SALL4: variants seen among roughly 807,000 people sequenced by gnomAD.
SALL4 encodes spalt like transcription factor 4.
SALL4 carries 4 observed loss-of-function variants against 60.8 expected under a neutral mutation model. That is an observed-to-expected ratio of 0.07 (90% CI 0.03 to 0.15). SALL4 has a LOEUF of 0.15. Among genes scored for constraint, SALL4 ranks in the 10% least tolerant of loss-of-function variants. The pLI, the probability that SALL4 is intolerant of heterozygous loss-of-function variation, is 1.00. For synonymous variants in SALL4, 580 were observed against 574.9 expected (o/e 1.01, Z -0.13); for missense variants, 1,178 against 1,394.7 (o/e 0.84, Z 2.48).
intron 1 of SALL4, among the ~76,000 whole-genome samples, chr20:51,796,196 CAAAAA>C (rs11474910): frequency 1.1e-5 from 1 of 90,584 alleles, no homozygotes; most frequent in African/African-American, 4.4e-5. Flanking sequence ...AAGACTGTCT[CAAAAA>C]AAAAAAAAAA....
chr20:51,801,014 CTG>C lies in SALL4; in HGVS notation c.130+1263_130+1264del, dbSNP rs1302274811. Among the ~76,000 whole-genome samples, 3 of 152,164 alleles carry C rather than the reference CTG, an allele frequency of 2.0e-5. No homozygotes were observed. Among genetic ancestry groups the C allele is most frequent in the Non-Finnish European group, 4.4e-5 (3 of 68,032 alleles). On this transcript the variant is annotated intron_variant, in intron 1 of 3. Transcript: ENST00000217086. The surrounding 1 kb of genome is among the most constrained non-coding windows in gnomAD (Gnocchi z 5.2). ...AAACCCCGGGTATCAGAGATGGTCT[CTG>C]AGAGTCCTCCGGGGTTGCCGCGCAC... is the stretch of plus-strand genomic sequence containing the variant.
In SALL4 at chr20:51,789,037, TCATCCCTGGGGA is replaced by T; in HGVS notation, c.2554_2565del (p.Ser852_Met855del). 2 of 1,614,034 alleles carry T rather than the reference TCATCCCTGGGGA, an allele frequency of 1.2e-6. No homozygotes were observed. Among genetic ancestry groups the T allele is most frequent in the South Asian group, 2.2e-5 (2 of 91,084 alleles). On this transcript the variant is annotated inframe_deletion, in exon 3 of 4. Coordinates refer to ENST00000217086, the MANE Select transcript of SALL4 (RefSeq NM_020436.5). ...CGTGGCTGGGCTGCTAACAAAGGGG[TCATCCCTGGGGA>T]CAATGTCGAGGGTCCCACAAATGTG...
rs1220738097 is a variant in SALL4, at chr20:51,782,701, T to A, written c.*1564A>T. The A allele has an allele frequency of 6.6e-6, 1 of 151,748 alleles. No individual in the cohort carries two copies. 9.4% of individuals were successfully genotyped at this position (151,748 alleles called of 1,614,324 possible). On this transcript the variant is annotated 3_prime_UTR_variant, in exon 4 of 4. Transcript: ENST00000217086. Reference sequence around the variant, plus strand: ...AAGACTTTTCTCCCAGAAATTAGAGTTTTTTTCTTTCTTTCTTGTTAAACC... The same window carrying A: ...AAGACTTTTCTCCCAGAAATTAGAGATTTTTTCTTTCTTTCTTGTTAAACC...
rs751383802 is a variant in SALL4, at chr20:51,791,907, C to T, written c.576G>A (p.Ala192=). The T allele has an allele frequency of 3.3e-5, 54 of 1,614,090 alleles. No homozygotes were observed. Among genetic ancestry groups the T allele is most frequent in the African/African-American group, 1.7e-4 (13 of 74,944 alleles). ...GTGCATCCGCGCTCCGCTGATTCAC[C>T]GCCACCTTGGTGCCCCGTAGTGCCT... ...TLQALRGTKV[A]VNQRSADALP... is the part of the protein sequence containing the mutation. Residue 192 remains alanine, a synonymous_variant, in exon 2 of 4, where the codon GCG becomes GCA. Coordinates refer to ENST00000217086, the MANE Select transcript of SALL4 (RefSeq NM_020436.5). The surrounding 1 kb of genome is among the most constrained non-coding windows in gnomAD (Gnocchi z 4.6).
In SALL4 at chr20:51,784,382, C is replaced by T. The variant is rs750202249; in HGVS notation, c.3045G>A (p.Lys1015=). The change falls in exon 4 of 4, where the codon AAG becomes AAA. Residue 1015 remains lysine (K), a synonymous_variant. Transcript: ENST00000217086. ...TSVVNNATVS[K]MDGSQSGISA... is the part of the protein sequence containing the mutation. ...TGATACCCGACTGGGAGCCATCCATCTTGGAGACAGTGGCGTTATTCACAA... is the reference window on the plus strand; with the variant it reads ...TGATACCCGACTGGGAGCCATCCATTTTGGAGACAGTGGCGTTATTCACAA... 2 of 1,614,206 alleles carry T rather than the reference C, an allele frequency of 1.2e-6. No individual in the cohort carries two copies. Among genetic ancestry groups the T allele is most frequent in the Admixed American group, 1.7e-5 (1 of 60,018 alleles).
intron 3 of SALL4, among the ~76,000 whole-genome samples, chr20:51,787,574 G>A (rs2078002021): frequency 6.6e-6 from 1 of 152,180 alleles, no homozygotes; most frequent in Non-Finnish European, 1.5e-5. Context: ...TTCTGCTGAA[G>A]AAGGGACCTT....
intron 1 of SALL4, among the ~76,000 whole-genome samples, chr20:51,798,293 GC>G (rs1240507032): frequency 6.6e-6 from 1 of 152,166 alleles, no homozygotes; most frequent in Non-Finnish European, 1.5e-5. Flanking sequence ...TTTCACAGGC[GC>G]TAAGGCGTGT....
chr20:51,786,919 A>T (rs902393438), intron 3 of SALL4, among the ~76,000 whole-genome samples: 1 of 152,026 alleles, frequency 6.6e-6, no homozygotes, highest in Non-Finnish European at 1.5e-5. Flanking sequence ...ACATGGTGAA[A>T]CCCCATCTCT....
chr20:51,800,022 C>T (rs955048101), intron 1 of SALL4, among the ~76,000 whole-genome samples: 5 of 152,162 alleles, frequency 3.3e-5, no homozygotes, highest in African/African-American at 7.2e-5. Flanking sequence ...ATGCAAACAA[C>T]CCAAACGCAG....
chr20:51,792,984 T>C (rs2078058682), intron 1 of SALL4: 1 of 989,610 alleles, frequency 1.0e-6, no homozygotes, highest in African/African-American at 1.7e-5. Context: ...AGCCTATAAA[T>C]CTAAACCACA....
Position 51,784,296 on chromosome 20 carries a change from A to G in SALL4, c.3131T>C (p.Phe1044Ser). Residue 1044 changes from phenylalanine (F) to serine (S), a missense_variant, in exon 4 of 4, where the codon TTC (phenylalanine) becomes TCC (serine). By Grantham distance (155) the Phe-to-Ser change is radical (BLOSUM62 -2). Coordinates refer to ENST00000217086, the MANE Select transcript of SALL4 (RefSeq NM_020436.5). The part of the protein sequence containing the change: ...DGVPKHQFPH[F>S]LEENKIAVS The stretch of plus-strand genomic sequence containing the variant: ...GACCGCAATCTTGTTTTCTTCCAGG[A>G]AGTGAGGAAACTGGTGTTTGGGAAC... 1 of 1,614,104 alleles carries G rather than the reference A, an allele frequency of 6.2e-7. No homozygotes were observed. Among genetic ancestry groups the G allele is most frequent in the Non-Finnish European group, 8.5e-7 (1 of 1,180,026 alleles).
chr20:51,791,829 G>T lies in SALL4; in HGVS notation c.654C>A (p.Ile218=). 6.2e-7 allele frequency: 1 copy of T among 1,614,154 alleles called. No homozygotes were observed. The highest frequency in any genetic ancestry group is 8.5e-7 in the Non-Finnish European group (1 of 1,180,048). The change falls in exon 2 of 4, where the codon ATC becomes ATA. Residue 218 remains isoleucine (I), a synonymous_variant. Transcript: ENST00000217086. This position sits in a 1 kb window ranked among gnomAD's most constrained non-coding sequence, Gnocchi z 4.6. ...GTAGCTGCTGCTGCTGCAGACACAA[G>T]ATCTGCTCGAGGACCCACGGGATGC... is the stretch of plus-strand genomic sequence containing the variant. ...ANSIPWVLEQ[I]LCLQQQQLQQ...
rs976893036 is a variant in SALL4, at chr20:51,801,293, G to A, written c.130+986C>T. 6.6e-6 allele frequency among the ~76,000 whole-genome samples: 1 copy of A among 152,198 alleles called. No individual in the cohort carries two copies. Among genetic ancestry groups the A allele is most frequent in the Non-Finnish European group, 1.5e-5 (1 of 68,028 alleles). On this transcript the variant is annotated intron_variant, in intron 1 of 3. Transcript: ENST00000217086. The surrounding 1 kb of genome is among the most constrained non-coding windows in gnomAD (Gnocchi z 5.2). ...GCGGCTGGGGTCCCGAACTCCCCTC[G>A]ATCTGGGAAACGCTGGCCGCGGAAG...
chr20:51,786,346 G>C (rs537089971), intron 3 of SALL4, among the ~76,000 whole-genome samples: 2 of 152,040 alleles, frequency 1.3e-5, no homozygotes, highest in Non-Finnish European at 2.9e-5. Context: ...CGCCCACCTC[G>C]GCCTCCCAAA....
chr20:51,796,720 CA>C (rs1359451463), intron 1 of SALL4, among the ~76,000 whole-genome samples: 1 of 152,160 alleles, frequency 6.6e-6, no homozygotes, highest in Non-Finnish European at 1.5e-5. Context: ...TATTTAACAG[CA>C]CTAAAATTAG....
chr20:51,789,720 A>C (rs185550503), intron 2 of SALL4, among the ~76,000 whole-genome samples: 2 of 152,212 alleles, frequency 1.3e-5, no homozygotes, highest in Non-Finnish European at 2.9e-5. Context: ...GAAAAAAACT[A>C]TAACAAAATA....
chr20:51,793,461 G>GA (rs201509631), intron 1 of SALL4, among the ~76,000 whole-genome samples: 228 of 151,516 alleles, frequency 1.5e-3, no homozygotes, highest in African/African-American at 5.0e-3. Context: ...ACCCTGTCTG[G>GA]AAAAAAAAAG....
rs896017112 is a variant in SALL4, at chr20:51,792,065, A to C, written c.418T>G (p.Ser140Ala). The stretch of plus-strand genomic sequence containing the variant: ...TCCGGCTTCTCCTTCATGTCCTCTG[A>C]GCTGCCGCCATTCTCCCTGTGACAG... ...KDCHRENGGS[S>A]EDMKEKPDAE... Residue 140 changes from serine to alanine, a missense_variant, in exon 2 of 4, where the codon TCA becomes GCA. Ser to Ala is a moderately conservative substitution (Grantham distance 99). This residue lies in a region of SALL4 where 853 missense variants were observed against 1,036.8 expected (regional missense o/e 0.82). Transcript: ENST00000217086. The C allele has an allele frequency of 6.2e-7, 1 of 1,614,094 alleles. No individual in the cohort carries two copies. The highest frequency in any genetic ancestry group is 8.5e-7 in the Non-Finnish European group (1 of 1,180,034).
rs531255901 is a variant in SALL4 at position 51,789,347 on chromosome 20, G to GT, written c.2462-207dup. Among the ~76,000 whole-genome samples, 184 of 144,732 alleles carry GT rather than the reference G, an allele frequency of 1.3e-3. 2 individuals carry two copies. Among genetic ancestry groups the GT allele is most frequent in the Admixed American group, 1.9e-3 (28 of 14,384 alleles). The allele number at this position is 144,732 out of a possible 152,430, so 94.9% of individuals were successfully genotyped here. A position where few individuals can be genotyped will look rare whatever the true frequency, so the allele number is the denominator to read the frequency against. ...TGCTTGGGAAAAGGTATCACTTTGG[G>GT]TTTTTTTTTTTTAAAGGCATGGGCA... On this transcript the variant is annotated intron_variant, in intron 2 of 3. Coordinates refer to ENST00000217086, the MANE Select transcript of SALL4 (RefSeq NM_020436.5).
Sources: gnomAD v4.1 joint callset for allele counts (sites outside exome capture counted in the v4.1 genomes callset) on GRCh38, gnomAD v4.1.1 for gene constraint, gnomAD v4.1.1 regional missense constraint, Gnocchi (gnomAD v3.1) non-coding constraint, MANE v1.5 for transcripts, NCBI Gene and HGNC (gene_info 2026-07-23, HGNC 2026-07-21) for gene names.